POLE2: variants seen among roughly 807,000 people sequenced by gnomAD.
POLE2 encodes DNA polymerase epsilon 2, accessory subunit, also known as DNA polymerase epsilon subunit 2.
POLE2 carries 56 observed loss-of-function variants against 79.4 expected under a neutral mutation model. That is an observed-to-expected ratio of 0.71 (90% CI 0.57 to 0.88). The LOEUF (loss-of-function observed/expected upper bound fraction) is 0.88, where lower values mean the gene tolerates loss of function less well. Ranked by LOEUF, POLE2 falls within the 40% of genes least tolerant of loss-of-function variation. POLE2 has a pLI of 0.00. For synonymous variants in POLE2, 212 were observed against 214.0 expected (o/e 0.99, Z 0.08); for missense variants, 598 against 638.9 (o/e 0.94, Z 0.69).
At chr14:49,665,677 G>GTT (rs762726338) in intron 7 of POLE2, among the ~76,000 whole-genome samples, 10 of 132,546 alleles carry the variant, frequency 7.5e-5, no homozygotes, top group Admixed American at 1.5e-4. Flanking sequence ...TTTTTTCTGG[G>GTT]TTTTTTTTTT....
intron 3 of POLE2, among the ~76,000 whole-genome samples, chr14:49,676,197 C>T (rs780747245): frequency 2.0e-4 from 30 of 152,274 alleles, no homozygotes; most frequent in Admixed American, 4.6e-4. Flanking sequence ...TATTTAATTT[C>T]AGATACTTTT....
intron 1 of POLE2, among the ~76,000 whole-genome samples, chr14:49,687,878 T>A (rs1436946691): frequency 6.6e-6 from 1 of 152,052 alleles, no homozygotes; most frequent in Non-Finnish European, 1.5e-5. Context: ...TTTTGTATTT[T>A]TAGTAGAGAC....
intron 10 of POLE2, among the ~76,000 whole-genome samples, chr14:49,657,031 T>A (rs1252333465): frequency 6.6e-6 from 1 of 151,172 alleles, no homozygotes; most frequent in Admixed American, 6.6e-5. Flanking sequence ...GAGAATCGCT[T>A]GAACCTAGGA....
At chr14:49,683,263 A>G (rs1315797484) in intron 2 of POLE2, among the ~76,000 whole-genome samples, 1 of 152,102 alleles carries the variant, frequency 6.6e-6, no homozygotes, top group Non-Finnish European at 1.5e-5. Flanking sequence ...TTAGCCTGAC[A>G]TGGAGGTGTG....
intron 1 of POLE2, among the ~76,000 whole-genome samples, 196 bp downstream of exon 1, chr14:49,687,940 C>T (rs1159976703): frequency 1.3e-5 from 2 of 152,126 alleles, no homozygotes; most frequent in African/African-American, 2.4e-5. Context: ...CCTCGTGATC[C>T]GCCCGCCTCG....
chr14:49,682,193 C>T lies in POLE2; in HGVS notation c.169+1400G>A, dbSNP rs145544670. Among the ~76,000 whole-genome samples, 77 of 150,718 alleles carry T rather than the reference C, an allele frequency of 5.1e-4. No individual in the cohort carries two copies. In the Middle Eastern group the frequency reaches 0.01, roughly 20 times the overall value. On this transcript the variant is annotated intron_variant, in intron 2 of 18. Transcript: ENST00000216367. ...CTAATTTTTGTATATTTAGTAGAGA[C>T]AGGGTTTGCCATGTTGTCCAGGCTG...
chr14:49,677,770 G>A (rs1886391843), intron 3 of POLE2: 7 of 1,049,352 alleles, frequency 6.7e-6, no homozygotes, highest in Non-Finnish European at 8.0e-6. Flanking sequence ...CTTCAGGAGT[G>A]TGGCAGCTCC....
chr14:49,680,844 G>C (rs1454800219), intron 2 of POLE2, among the ~76,000 whole-genome samples: 1 of 151,916 alleles, frequency 6.6e-6, no homozygotes, highest in Non-Finnish European at 1.5e-5. Context: ...TGTTAGCCAG[G>C]ATGGTCTCGA....
intron 15 of POLE2, among the ~76,000 whole-genome samples, chr14:49,652,778 T>C (rs1174816574): frequency 6.6e-6 from 1 of 152,080 alleles, no homozygotes; most frequent in Non-Finnish European, 1.5e-5. Flanking sequence ...TGTTTTATTA[T>C]ATATTATAAT....
intron 5 of POLE2, among the ~76,000 whole-genome samples, chr14:49,671,385 G>A (rs1479226820): frequency 6.6e-6 from 1 of 152,096 alleles, no homozygotes; most frequent in African/African-American, 2.4e-5. Context: ...TTGGGAGGCC[G>A]AGGCGGGTGG....
chr14:49,645,373 A>G (rs1309245575), intron 18 of POLE2, among the ~76,000 whole-genome samples: 2 of 152,252 alleles, frequency 1.3e-5, no homozygotes, highest in Non-Finnish European at 2.9e-5. Flanking sequence ...TGATTTCACA[A>G]ATATTCTAAC....
At chr14:49,655,322 G>A (rs1335188296) in intron 11 of POLE2, among the ~76,000 whole-genome samples, 6 of 151,938 alleles carry the variant, frequency 3.9e-5, no homozygotes, top group East Asian at 1.9e-4. Flanking sequence ...CTGAGACTTA[G>A]GTTAAGTAAC....
intron 17 of POLE2, among the ~76,000 whole-genome samples, chr14:49,647,882 C>A (rs985970587): frequency 1.3e-5 from 2 of 152,176 alleles, no homozygotes; most frequent in Admixed American, 6.5e-5. Flanking sequence ...AGAGTTGTTA[C>A]TATAAAATAT....
At chr14:49,687,892 G>C (rs1009061248) in intron 1 of POLE2, among the ~76,000 whole-genome samples, 2 of 152,106 alleles carry the variant, frequency 1.3e-5, no homozygotes, top group Non-Finnish European at 2.9e-5. Flanking sequence ...TAGAGACGGG[G>C]CTTCACCATG....
At chr14:49,651,423 A>G (rs1884223084) in intron 15 of POLE2, 46 bp from the exon 16 acceptor site, 1 of 821,746 alleles carries the variant, frequency 1.2e-6, no homozygotes, top group South Asian at 1.7e-5. Flanking sequence ...GAAAAAAATG[A>G]TATTAATTTT....
At chr14:49,674,484 T>G in intron 3 of POLE2, 57 bp from the exon 4 acceptor site, 1 of 992,426 alleles carries the variant, frequency 1.0e-6, no homozygotes, top group East Asian at 2.4e-5. Context: ...GTACTCTAGG[T>G]GAACATGATA....
At chr14:49,664,738 G>A (rs1355733258) in intron 8 of POLE2, 64 bp from the exon 9 acceptor site, 1 of 996,328 alleles carries the variant, frequency 1.0e-6, no homozygotes. Context: ...CATACATTTT[G>A]AGTCCAACAA....
intron 10 of POLE2, among the ~76,000 whole-genome samples, chr14:49,660,617 A>G (rs144334141): frequency 1.3e-5 from 2 of 152,306 alleles, no homozygotes; most frequent in African/African-American, 4.8e-5. Flanking sequence ...GGCCAGGCAC[A>G]GTGGCTCACA....
intron 10 of POLE2, among the ~76,000 whole-genome samples, chr14:49,658,000 A>C (rs1381216533): frequency 6.6e-6 from 1 of 151,898 alleles, no homozygotes; most frequent in Non-Finnish European, 1.5e-5. Context: ...CCCCCTCCCC[A>C]CACAAAACTG....
Sources: gnomAD v4.1 joint callset for allele counts (sites outside exome capture counted in the v4.1 genomes callset) on GRCh38, gnomAD v4.1.1 for gene constraint, MANE v1.5 for transcripts, NCBI Gene and HGNC (gene_info 2026-07-23, HGNC 2026-07-21) for gene names.